Variants in EPB41L4B observed in about 807,000 individuals in gnomAD.
EPB41L4B encodes band 4.1-like protein 4B.
In EPB41L4B, 30 loss-of-function variants were observed where a neutral mutation model predicts 112.5. The observed-to-expected ratio is 0.27, with a 90% confidence interval of 0.20 to 0.36. The LOEUF is 0.36. EPB41L4B is among the 10% of genes least tolerant of loss of function. The pLI is 1.00. For synonymous variants in EPB41L4B, 408 were observed against 439.7 expected, an observed-to-expected ratio of 0.93 and a Z score of 0.90; for missense variants, 1,024 against 1,133.3, an observed-to-expected ratio of 0.90 and a Z score of 1.38.
intron 22 of EPB41L4B, among the ~76,000 whole-genome samples, chr9:109,187,961 G>T (rs1447324921): frequency 6.6e-6 from 1 of 152,144 alleles, no homozygotes; most frequent in Non-Finnish European, 1.5e-5. Flanking sequence ...TACGTGAGAA[G>T]GAAATAAGAT....
intron 2 of EPB41L4B, among the ~76,000 whole-genome samples, chr9:109,278,279 G>T (rs905832358): frequency 2.0e-5 from 3 of 152,126 alleles, no homozygotes; most frequent in Non-Finnish European, 4.4e-5. Context: ...GTTTGGGGGT[G>T]GGGTGGGGTG....
chr9:109,186,249 A>T (rs1832261618), intron 22 of EPB41L4B, among the ~76,000 whole-genome samples: 1 of 149,196 alleles, frequency 6.7e-6, no homozygotes, highest in Non-Finnish European at 1.5e-5. Flanking sequence ...GTGCAGTGTC[A>T]TGATCTCAGC....
At chr9:109,288,307 G>T (rs1476495599) in intron 1 of EPB41L4B, among the ~76,000 whole-genome samples, 1 of 152,178 alleles carries the variant, frequency 6.6e-6, no homozygotes, top group Non-Finnish European at 1.5e-5. Flanking sequence ...TCTGGGCCAG[G>T]CATGATGGCT....
intron 15 of EPB41L4B, 39 bp from the exon 16 acceptor site, chr9:109,217,184 A>G (rs780686114): frequency 3.3e-5 from 52 of 1,592,788 alleles, no homozygotes; most frequent in Non-Finnish European, 4.3e-5. Context: ...GAAAAGCAGA[A>G]TGCCTTGCAA....
At chr9:109,182,983 C>T (rs1832122795) in intron 23 of EPB41L4B, among the ~76,000 whole-genome samples, 186 bp from the exon 24 acceptor site, 1 of 152,082 alleles carries the variant, frequency 6.6e-6, no homozygotes. Context: ...GTATCTGTGC[C>T]TGGAGTTGGA....
chr9:109,220,211 G>T (rs1833524066), intron 15 of EPB41L4B, among the ~76,000 whole-genome samples: 1 of 152,168 alleles, frequency 6.6e-6, no homozygotes, highest in African/African-American at 2.4e-5. Context: ...TCTTTTCAGT[G>T]GAAAAGGTAG....
intron 7 of EPB41L4B, 132 bp downstream of exon 7, chr9:109,258,045 G>A (rs757048001): frequency 2.0e-5 from 19 of 963,018 alleles, no homozygotes; most frequent in Non-Finnish European, 2.8e-5. Flanking sequence ...ACTGACACAA[G>A]GAGAGAAGAG....
intron 15 of EPB41L4B, among the ~76,000 whole-genome samples, chr9:109,226,277 A>G (rs1833756196): frequency 6.6e-6 from 1 of 151,860 alleles, no homozygotes; most frequent in Admixed American, 6.6e-5. Context: ...TTTCTCCTTC[A>G]TTTCTTCATG....
At chr9:109,264,919 A>G in intron 5 of EPB41L4B, 61 bp downstream of exon 5, 1 of 1,446,008 alleles carries the variant, frequency 6.9e-7, no homozygotes, top group Non-Finnish European at 9.3e-7. Context: ...AAAACAGTGA[A>G]TTATTTTGAA....
rs542343735 is a variant in EPB41L4B at position 109,305,126 on chromosome 9, A to T, written c.306+15015T>A. 2.9e-4 allele frequency among the ~76,000 whole-genome samples: 44 copies of T among 151,364 alleles called. No homozygotes were observed. The South Asian group carries it at 8.6e-3, about 29-fold the overall frequency. ...ATTACTATAACATGTGCTAGGTCCC[A>T]CCCAAGGCAAAAAAATGCCCTGCAA... is the stretch of plus-strand genomic sequence containing the variant. On this transcript the variant is annotated intron_variant, in intron 1 of 25. Coordinates refer to ENST00000374566, the MANE Select transcript of EPB41L4B (RefSeq NM_019114.5).
intron 15 of EPB41L4B, among the ~76,000 whole-genome samples, chr9:109,230,880 A>G (rs904374726): frequency 6.6e-6 from 1 of 152,194 alleles, no homozygotes; most frequent in African/African-American, 2.4e-5. Context: ...AAAATTGGCC[A>G]CAAGTGGTGG....
At chr9:109,201,286 C>CA (rs968066073) in intron 19 of EPB41L4B, among the ~76,000 whole-genome samples, 2 of 151,568 alleles carry the variant, frequency 1.3e-5, no homozygotes, top group East Asian at 1.9e-4. Context: ...CCCGTTTCTA[C>CA]AAAAAAATAC....
intron 4 of EPB41L4B, among the ~76,000 whole-genome samples, chr9:109,265,505 G>C (rs917619838): frequency 6.6e-6 from 1 of 150,390 alleles, no homozygotes; most frequent in Admixed American, 6.7e-5. Flanking sequence ...CCCTGATGCA[G>C]TGTAACTGCA....
At chr9:109,190,492 C>G (rs1025570669) in intron 22 of EPB41L4B, among the ~76,000 whole-genome samples, 8 of 152,206 alleles carry the variant, frequency 5.3e-5, no homozygotes, top group African/African-American at 1.9e-4. Context: ...ACCAAGGTAC[C>G]TGAGCACTTC....
At chr9:109,302,692 G>A (rs1375749026) in intron 1 of EPB41L4B, among the ~76,000 whole-genome samples, 1 of 152,000 alleles carries the variant, frequency 6.6e-6, no homozygotes, top group Admixed American at 6.5e-5. Context: ...TTCTCCACAG[G>A]ATCTTAGAGC....
intron 15 of EPB41L4B, chr9:109,240,489 A>C: frequency 1.0e-6 from 1 of 985,402 alleles, no homozygotes; most frequent in Non-Finnish European, 1.2e-6. Flanking sequence ...ATATACAAAA[A>C]TGGCACAAGA....
At chr9:109,238,139 A>G (rs1304468179) in intron 15 of EPB41L4B, among the ~76,000 whole-genome samples, 1 of 152,178 alleles carries the variant, frequency 6.6e-6, no homozygotes, top group Non-Finnish European at 1.5e-5. Context: ...TACCCATCTC[A>G]CAGAGTGGTC....
At chr9:109,295,197 C>T (rs1250915914) in intron 1 of EPB41L4B, among the ~76,000 whole-genome samples, 1 of 152,084 alleles carries the variant, frequency 6.6e-6, no homozygotes. Flanking sequence ...GGACTTTGTG[C>T]CTAACTTCAC....
chr9:109,246,755 G>A (rs1374405830), intron 14 of EPB41L4B, among the ~76,000 whole-genome samples: 1 of 152,244 alleles, frequency 6.6e-6, no homozygotes, highest in African/African-American at 2.4e-5. Context: ...AGGCATGGGT[G>A]AGCTGGCAGG....
Sources: gnomAD v4.1 joint callset for allele counts (sites outside exome capture counted in the v4.1 genomes callset) on GRCh38, gnomAD v4.1.1 for gene constraint, MANE v1.5 for transcripts, NCBI Gene and HGNC (gene_info 2026-07-23, HGNC 2026-07-21) for gene names.